Variants in PCDHA4 observed in about 807,000 individuals in gnomAD.
PCDHA4 encodes the protein protocadherin alpha 4, also known as protocadherin alpha-4.
In PCDHA4, 49 loss-of-function variants were observed where a neutral mutation model predicts 61.4. The observed-to-expected ratio is 0.80, with a 90% CI of 0.63 to 1.01. The LOEUF is 1.01. PCDHA4 is among the 50% of genes least tolerant of loss of function. The pLI is 0.00. For synonymous variants in PCDHA4, 590 were observed against 550.3 expected (o/e 1.07, Z -1.01); for missense variants, 1,254 against 1,235.8 (o/e 1.01, Z -0.22).
intron 1 of PCDHA4, chr5:140,926,951 G>T (rs1554203848): frequency 1.9e-6 from 3 of 1,596,266 alleles, no homozygotes; most frequent in Middle Eastern, 1.7e-4. Context: ...GCTGCAGCGG[G>T]ACAGCTCGAG....
At chr5:140,869,037 C>G (rs547872988) in intron 1 of PCDHA4, 1 of 1,528,286 alleles carries the variant, frequency 6.5e-7, no homozygotes, top group African/African-American at 1.4e-5. Context: ...AGATTTTTAA[C>G]CTGAAACTGA....
chr5:140,850,511 C>T (rs2150486900), intron 1 of PCDHA4: 2 of 1,598,036 alleles, frequency 1.3e-6, no homozygotes, highest in East Asian at 2.2e-5. Context: ...TGGTGGAGAG[C>T]GGCCAGGCGC....
At chr5:140,841,435 G>A (rs2150315414) in intron 1 of PCDHA4, 1 of 1,612,844 alleles carries the variant, frequency 6.2e-7, no homozygotes, top group South Asian at 1.1e-5. Context: ...TCCCCGAGGA[G>A]GCCAAACACG....
At chr5:140,941,210 TCTTC>T (rs1480454721) in intron 1 of PCDHA4, among the ~76,000 whole-genome samples, 2,917 of 100,514 alleles carry the variant, frequency 0.029, 68 homozygotes, top group South Asian at 0.045. Flanking sequence ...TTCCTTTCTT[TCTTC>T]CTTTCTTTCT....
rs782355791 is a variant in PCDHA4, at chr5:140,982,576, G to A, written c.2533+13G>A. The A allele has an allele frequency of 5.6e-6, 9 of 1,613,152 alleles. No homozygotes were observed. In the Admixed American group the frequency reaches 6.7e-5, roughly 12 times the overall value. ...AGTGCAACACCAGGTAAAGAGCTGG[G>A]GTCTCTCCATTCTTTCTTGGTTTCT... On this transcript the variant is annotated intron_variant, in intron 3 of 3. Transcript: ENST00000530339.
Position 140,852,435 on chromosome 5 carries a change from G to A in PCDHA4, c.2385+42863G>A, listed in dbSNP as rs2150516888. ...TGGGATTATAGGCACATGCCACCGC[G>A]CCCAGCTAATTTTTGTATTTTTAGT... On this transcript the variant is annotated intron_variant, in intron 1 of 3. Coordinates refer to ENST00000530339, the MANE Select transcript of PCDHA4 (RefSeq NM_018907.4). 3.0e-4 allele frequency: 55 copies of A among 181,308 alleles called. 4 individuals carry two copies. Among genetic ancestry groups the A allele is most frequent in the African/African-American group, 1.1e-3 (44 of 41,148 alleles). 11.2% of individuals were successfully genotyped at this position (181,308 alleles called of 1,614,324 possible).
intron 1 of PCDHA4, among the ~76,000 whole-genome samples, chr5:140,902,299 A>G (rs2069363932): frequency 6.6e-6 from 1 of 150,916 alleles, no homozygotes; most frequent in Admixed American, 6.6e-5. Flanking sequence ...CAGCCTCCCA[A>G]AGTGCTGGGA....
At chr5:140,964,383 G>A (rs543441248) in intron 1 of PCDHA4, among the ~76,000 whole-genome samples, 1 of 152,142 alleles carries the variant, frequency 6.6e-6, no homozygotes, top group Non-Finnish European at 1.5e-5. Context: ...GAGAGTCCTG[G>A]TTTTTCTCCC....
rs1190939164 is a variant in PCDHA4, at chr5:140,968,882, C to T, written c.2386-10067C>T. ...CCCTCGGACATACTCTGAAATTACC[C>T]TTTATCTAATAATAGCATTAAGCAC... On this transcript the variant is annotated intron_variant, in intron 1 of 3. Transcript: ENST00000530339. 6 of 1,614,066 alleles carry T rather than the reference C, an allele frequency of 3.7e-6. No individual in the cohort carries two copies. The African/African-American group carries it at 6.7e-5, about 18-fold the overall frequency.
At chr5:140,875,103 A>ACTAATATCATG (rs2055275043) in intron 1 of PCDHA4, among the ~76,000 whole-genome samples, 2 of 152,340 alleles carry the variant, frequency 1.3e-5, no homozygotes, top group African/African-American at 4.8e-5. Context: ...ATGTTTTGTT[A>ACTAATATCATG]CTAATATCAT....
At chr5:140,960,346 T>A (rs782732587) in intron 1 of PCDHA4, among the ~76,000 whole-genome samples, 21 of 152,174 alleles carry the variant, frequency 1.4e-4, no homozygotes, top group Admixed American at 2.6e-4. Context: ...AGGTGAGATA[T>A]GTACTGAAAT....
chr5:140,877,661 G>C, intron 1 of PCDHA4: 1 of 1,613,572 alleles, frequency 6.2e-7, no homozygotes. Flanking sequence ...CCCACCGTGA[G>C]CCGGTGCGCG....
intron 1 of PCDHA4, among the ~76,000 whole-genome samples, chr5:140,886,288 A>T (rs1227734409): frequency 6.6e-6 from 1 of 151,870 alleles, no homozygotes; most frequent in Non-Finnish European, 1.5e-5. Flanking sequence ...AATTATTTTT[A>T]TATTTATTTA....
rs1197189729 is a variant in PCDHA4, at chr5:141,011,926, G to A, written c.*1989G>A. On this transcript the variant is annotated 3_prime_UTR_variant, in exon 4 of 4. Transcript: ENST00000530339. ...TTAGGCATTAATATAAAAGAGGTAG[G>A]AGTCTGTTATTTAAAAAAAGCATTA... 1 of 153,498 alleles carries A rather than the reference G, an allele frequency of 6.5e-6. No individual in the cohort carries two copies. Among genetic ancestry groups the A allele is most frequent in the African/African-American group, 2.4e-5 (1 of 41,380 alleles). 9.5% of individuals were successfully genotyped at this position (153,498 alleles called of 1,614,324 possible).
intron 1 of PCDHA4, among the ~76,000 whole-genome samples, chr5:140,977,949 G>A (rs919613337): frequency 2.6e-5 from 4 of 152,036 alleles, no homozygotes; most frequent in Admixed American, 6.6e-5. Context: ...TTCAGTGACA[G>A]GGCCACCTCA....
At chr5:141,004,919 T>A (rs144687292) in intron 3 of PCDHA4, among the ~76,000 whole-genome samples, 2 of 152,264 alleles carry the variant, frequency 1.3e-5, no homozygotes, top group East Asian at 3.9e-4. Flanking sequence ...GGAAAAGGGT[T>A]TGGAAGAGAG....
chr5:140,823,078 T>G (rs1581791056), intron 1 of PCDHA4: 1 of 1,613,880 alleles, frequency 6.2e-7, no homozygotes, highest in Non-Finnish European at 8.5e-7. Context: ...GCCTTCGCTG[T>G]GGGCCACCGC....
chr5:140,876,729 G>C lies in PCDHA4; in HGVS notation c.2385+67157G>C, dbSNP rs781841207. The C allele has an allele frequency of 3.1e-6, 5 of 1,614,102 alleles. No homozygotes were observed. The East Asian group carries it at 6.7e-5, about 22-fold the overall frequency. On this transcript the variant is annotated intron_variant, in intron 1 of 3. Transcript: ENST00000530339. ...GCGCCCTGGACCGCGAGAGCGTGTC[G>C]GCCTATGAGCTGGTGGTGACTGCGC...
At chr5:140,969,601 T>C (rs2096345611) in intron 1 of PCDHA4, 1 of 772,836 alleles carries the variant, frequency 1.3e-6, no homozygotes, top group African/African-American at 1.8e-5. Flanking sequence ...TATTTAATGC[T>C]AAAACACAGA....
Sources: allele counts gnomAD v4.1 joint callset (sites outside exome capture counted in the v4.1 genomes callset), GRCh38; gene constraint gnomAD v4.1.1; transcripts MANE v1.5; gene names NCBI Gene and HGNC (gene_info 2026-07-23, HGNC 2026-07-21).